The following HDAC4 variants were observed in gnomAD, a reference collection of about 807,000 sequenced individuals.
HDAC4 encodes histone deacetylase 4.
A neutral mutation model predicts 135.1 loss-of-function variants in HDAC4; 16 were observed. That is an observed-to-expected ratio of 0.12 (90% confidence interval 0.08 to 0.18). The LOEUF (loss-of-function observed/expected upper bound fraction) is 0.18, where lower values mean the gene tolerates loss of function less well. Ranked by LOEUF, HDAC4 falls within the 10% of genes least tolerant of loss-of-function variation. The probability of loss-of-function intolerance (pLI) is 1.00; values close to 1 mark genes in which losing one functional copy is unlikely to be tolerated. For synonymous variants in HDAC4, 685 were observed against 653.4 expected (o/e 1.05, Z -0.74); for missense variants, 1,143 against 1,511.8 (o/e 0.76, Z 4.05).
chr2:239,063,862 T>G (rs1176274710), intron 24 of HDAC4, among the ~76,000 whole-genome samples: 2 of 152,236 alleles, frequency 1.3e-5, no homozygotes, highest in African/African-American at 4.8e-5. Context: ...GCCAGCTCCC[T>G]GGCTTCCCAA....
At chr2:239,228,725 G>A (rs2047380541) in intron 3 of HDAC4, among the ~76,000 whole-genome samples, 1 of 152,168 alleles carries the variant, frequency 6.6e-6, no homozygotes, top group South Asian at 2.1e-4. Flanking sequence ...TTCTTAAGAG[G>A]TAATATGCCT....
At chr2:239,230,599 C>A (rs1164757434) in intron 3 of HDAC4, among the ~76,000 whole-genome samples, 2 of 152,200 alleles carry the variant, frequency 1.3e-5, no homozygotes, top group African/African-American at 2.4e-5. Flanking sequence ...CCTGCCCAGT[C>A]CTTCCGTGGG....
intron 6 of HDAC4, among the ~76,000 whole-genome samples, chr2:239,157,216 A>G (rs1219935586): frequency 6.6e-6 from 1 of 152,246 alleles, no homozygotes; most frequent in African/African-American, 2.4e-5. Context: ...GACGGGGCAA[A>G]AAACGGTCTA....
chr2:239,222,597 G>GA, intron 3 of HDAC4, among the ~76,000 whole-genome samples: 1 of 149,176 alleles, frequency 6.7e-6, no homozygotes, highest in Non-Finnish European at 1.5e-5. Context: ...GCGCAGCCAT[G>GA]AAAGACAAGC....
chr2:239,091,904 CA>C (rs368201922), intron 17 of HDAC4: 77,207 of 133,040 alleles, frequency 0.58, 21,254 homozygotes, highest in African/African-American at 0.68. Flanking sequence ...ACTAAAAATA[CA>C]AAAAAAAAAA....
chr2:239,293,447 G>A (rs2051654262), intron 2 of HDAC4, among the ~76,000 whole-genome samples: 1 of 152,152 alleles, frequency 6.6e-6, no homozygotes, highest in Non-Finnish European at 1.5e-5. Flanking sequence ...ACAATCAAAG[G>A]GGGATACAAT....
intron 4 of HDAC4, among the ~76,000 whole-genome samples, chr2:239,177,142 CATA>C (rs2043826683): frequency 6.6e-6 from 1 of 152,164 alleles, no homozygotes; most frequent in Non-Finnish European, 1.5e-5. Flanking sequence ...ACCACCTAAC[CATA>C]AAAAACAACA....
intron 7 of HDAC4, among the ~76,000 whole-genome samples, chr2:239,147,242 G>A (rs992075719): frequency 9.9e-5 from 15 of 152,208 alleles, no homozygotes; most frequent in Non-Finnish European, 1.8e-4. Flanking sequence ...GAAGGCAGCC[G>A]GGGGAGCCGC....
In HDAC4 at chr2:239,103,623, G is replaced by A. The variant is rs542868667; in HGVS notation, c.2113-727C>T. Among the ~76,000 whole-genome samples, 11 of 152,336 alleles carry A rather than the reference G, an allele frequency of 7.2e-5. No homozygotes were observed. In the East Asian group the frequency reaches 1.2e-3, roughly 16 times the overall value. On this transcript the variant is annotated intron_variant, in intron 15 of 26. Transcript: ENST00000543185. Reference sequence around the variant, plus strand: ...AGTCAGACGCCACTCAGGTGGCCCCGGTTGTGGCTGTTACCTGCTTCCCCC... The same window carrying A: ...AGTCAGACGCCACTCAGGTGGCCCCAGTTGTGGCTGTTACCTGCTTCCCCC...
At chr2:239,142,062 G>A (rs995211174) in intron 8 of HDAC4, among the ~76,000 whole-genome samples, 6 of 152,064 alleles carry the variant, frequency 3.9e-5, no homozygotes, top group African/African-American at 7.2e-5. Context: ...GCGGGAAGGC[G>A]TGCAGAGTGA....
chr2:239,292,986 T>TA (rs954561518), intron 2 of HDAC4, among the ~76,000 whole-genome samples: 9 of 152,264 alleles, frequency 5.9e-5, no homozygotes, highest in African/African-American at 1.4e-4. Context: ...CAGTTTTACT[T>TA]AAAAAAATAA....
chr2:239,385,340 G>A (rs1345681723), intron 1 of HDAC4, among the ~76,000 whole-genome samples: 1 of 152,270 alleles, frequency 6.6e-6, no homozygotes, highest in Non-Finnish European at 1.5e-5. Context: ...GCACTGGCTG[G>A]CAGTGTCAGG....
At chr2:239,279,428 G>C (rs991385654) in intron 2 of HDAC4, among the ~76,000 whole-genome samples, 1 of 152,232 alleles carries the variant, frequency 6.6e-6, no homozygotes, top group Non-Finnish European at 1.5e-5. Flanking sequence ...AGAAAATCAA[G>C]GTTCAAAGAA....
At chr2:239,102,055 C>T (rs1238513994) in intron 16 of HDAC4, among the ~76,000 whole-genome samples, 5 of 107,554 alleles carry the variant, frequency 4.6e-5, no homozygotes, top group Non-Finnish European at 8.3e-5. Flanking sequence ...TGGAAGCCCC[C>T]GGCCCCGGGT....
chr2:239,316,861 C>T (rs147646427), intron 2 of HDAC4, among the ~76,000 whole-genome samples: 146 of 152,314 alleles, frequency 9.6e-4, no homozygotes, highest in African/African-American at 3.4e-3. Flanking sequence ...CTGGCTGCTA[C>T]ACAGTTCTGG....
At chr2:239,193,628 T>C (rs1263963266) in intron 3 of HDAC4, among the ~76,000 whole-genome samples, 3 of 152,186 alleles carry the variant, frequency 2.0e-5, no homozygotes, top group Non-Finnish European at 2.9e-5. Context: ...GCCTGCCATC[T>C]GCAATCCTAG....
At chr2:239,149,367 C>T (rs1012642309) in intron 7 of HDAC4, among the ~76,000 whole-genome samples, 6 of 134,758 alleles carry the variant, frequency 4.5e-5, no homozygotes, top group Non-Finnish European at 8.0e-5. Context: ...AGCGACGTTC[C>T]GTTTCAAAAT....
chr2:239,055,004 T>TTATA (rs1553600359), intron 24 of HDAC4, among the ~76,000 whole-genome samples, 171 bp from the exon 25 acceptor site: 4 of 151,870 alleles, frequency 2.6e-5, no homozygotes, highest in African/African-American at 4.8e-5. Flanking sequence ...GTGGTATTTA[T>TTATA]AATTTTTTTG....
At chr2:239,294,695 AGG>A (rs2051746729) in intron 2 of HDAC4, among the ~76,000 whole-genome samples, 1 of 151,848 alleles carries the variant, frequency 6.6e-6, no homozygotes, top group African/African-American at 2.4e-5. Context: ...GTTGGAAGGA[AGG>A]GGAGCAGGTG....
Sources: allele counts gnomAD v4.1 joint callset (sites outside exome capture counted in the v4.1 genomes callset), GRCh38; gene constraint gnomAD v4.1.1; transcripts MANE v1.5; gene names NCBI Gene and HGNC (gene_info 2026-07-23, HGNC 2026-07-21).